Variants in GRIK2 observed in about 807,000 individuals in gnomAD.
The protein encoded by GRIK2 is glutamate receptor ionotropic, kainate 2.
A neutral mutation model predicts 100.3 loss-of-function variants in GRIK2; 32 were observed. The ratio of observed to expected loss-of-function variants is 0.32; its 90% confidence interval spans 0.24 to 0.43. GRIK2 has a LOEUF of 0.43. Among genes scored for constraint, GRIK2 ranks in the 20% least tolerant of loss-of-function variants. GRIK2 has a pLI of 1.00. For missense variants in GRIK2, 843 were observed against 1,114.9 expected, an observed-to-expected ratio of 0.76 and a Z score of 3.47; for synonymous variants, 417 against 389.4, an observed-to-expected ratio of 1.07 and a Z score of -0.83.
intron 12 of GRIK2, among the ~76,000 whole-genome samples, chr6:101,897,599 A>G (rs940011021): frequency 1.3e-5 from 2 of 151,848 alleles, no homozygotes; most frequent in Non-Finnish European, 2.9e-5. Flanking sequence ...AAAAATTTCA[A>G]TTTTTTTAAA....
chr6:101,830,369 T>G (rs1307058070), intron 10 of GRIK2, among the ~76,000 whole-genome samples: 1 of 151,806 alleles, frequency 6.6e-6, no homozygotes, highest in African/African-American at 2.4e-5. Context: ...GGCCAAAAAT[T>G]TATGACTAAG....
chr6:101,912,046 G>GCACACACA (rs571177027), intron 12 of GRIK2, among the ~76,000 whole-genome samples: 139 of 62,904 alleles, frequency 2.2e-3, no homozygotes, highest in African/African-American at 9.9e-3. Flanking sequence ...CAGGGGCAAC[G>GCACACACA]CACACACACA....
chr6:101,628,664 G>A (rs757966213), intron 4 of GRIK2, among the ~76,000 whole-genome samples: 9 of 151,992 alleles, frequency 5.9e-5, no homozygotes, highest in Non-Finnish European at 1.0e-4. Flanking sequence ...TATAAATATA[G>A]ATACATGTGC....
chr6:101,412,421 G>C (rs1582391625), intron 2 of GRIK2, among the ~76,000 whole-genome samples: 1 of 151,998 alleles, frequency 6.6e-6, no homozygotes, highest in East Asian at 1.9e-4. Flanking sequence ...TTCTGTATAG[G>C]AGACACTTTA....
At chr6:101,534,670 C>T (rs1775602367) in intron 2 of GRIK2, among the ~76,000 whole-genome samples, 1 of 151,758 alleles carries the variant, frequency 6.6e-6, no homozygotes, top group Non-Finnish European at 1.5e-5. Flanking sequence ...TCCTTTGAAG[C>T]ATATTATCCT....
chr6:101,879,335 T>C (rs1321644424), intron 11 of GRIK2, among the ~76,000 whole-genome samples: 1 of 152,058 alleles, frequency 6.6e-6, no homozygotes, highest in Non-Finnish European at 1.5e-5. Context: ...ACATGCTTCT[T>C]TGAGGCTCAT....
intron 4 of GRIK2, among the ~76,000 whole-genome samples, chr6:101,637,238 C>A (rs1781066121): frequency 6.6e-6 from 1 of 152,074 alleles, no homozygotes; most frequent in African/African-American, 2.4e-5. Flanking sequence ...GTAGACTCAC[C>A]AATCTACATT....
chr6:101,561,558 C>G (rs1217619671), intron 2 of GRIK2, among the ~76,000 whole-genome samples: 1 of 152,000 alleles, frequency 6.6e-6, no homozygotes. Flanking sequence ...ATCCCAATTA[C>G]TATGATTTGG....
chr6:101,661,096 G>A (rs76234089), intron 4 of GRIK2, among the ~76,000 whole-genome samples: 9,402 of 152,224 alleles, frequency 0.062, 443 homozygotes, highest in East Asian at 0.26. Context: ...TCCCTCAGGT[G>A]CTCTGTCTAG....
At chr6:101,843,438 T>A (rs553636730) in intron 10 of GRIK2, among the ~76,000 whole-genome samples, 6 of 152,326 alleles carry the variant, frequency 3.9e-5, no homozygotes, top group Non-Finnish European at 8.8e-5. Flanking sequence ...AGTATTTCCA[T>A]CTACGCCACT....
intron 7 of GRIK2, among the ~76,000 whole-genome samples, chr6:101,723,800 G>A (rs1187717331): frequency 6.6e-6 from 1 of 151,964 alleles, no homozygotes; most frequent in Non-Finnish European, 1.5e-5. Flanking sequence ...GACAGCTAGT[G>A]GAGAATTTAG....
chr6:101,850,798 A>C (rs1449325984), intron 10 of GRIK2, among the ~76,000 whole-genome samples: 1 of 152,056 alleles, frequency 6.6e-6, no homozygotes, highest in African/African-American at 2.4e-5. Flanking sequence ...TGATGTGGAG[A>C]TTTAAGACTA....
At chr6:101,630,884 T>C (rs1312489802) in intron 4 of GRIK2, among the ~76,000 whole-genome samples, 2 of 152,136 alleles carry the variant, frequency 1.3e-5, no homozygotes, top group Non-Finnish European at 2.9e-5. Context: ...CTTTCCATAT[T>C]TATTTATTAT....
intron 2 of GRIK2, among the ~76,000 whole-genome samples, chr6:101,480,337 C>A (rs1357974754): frequency 6.6e-6 from 1 of 152,120 alleles, no homozygotes; most frequent in Non-Finnish European, 1.5e-5. Flanking sequence ...GGAAGTCAGT[C>A]AATCCTGCTA....
At chr6:102,062,633 G>A (rs1002079603) in intron 16 of GRIK2, among the ~76,000 whole-genome samples, 2 of 150,404 alleles carry the variant, frequency 1.3e-5, no homozygotes, top group African/African-American at 4.8e-5. Flanking sequence ...GAACAAGGTT[G>A]TATATATTTT....
chr6:101,939,420 T>C (rs987673912), intron 14 of GRIK2, among the ~76,000 whole-genome samples: 3 of 152,094 alleles, frequency 2.0e-5, no homozygotes, highest in Non-Finnish European at 4.4e-5. Flanking sequence ...TAAATTTCGG[T>C]AGCAGATGAA....
chr6:101,790,057 G>T (rs1346291463), intron 7 of GRIK2, among the ~76,000 whole-genome samples: 1 of 152,158 alleles, frequency 6.6e-6, no homozygotes, highest in African/African-American at 2.4e-5. Context: ...CATTGATTTT[G>T]TATGCTGAGA....
chr6:101,432,575 G>A (rs575957320), intron 2 of GRIK2, among the ~76,000 whole-genome samples: 2 of 152,264 alleles, frequency 1.3e-5, no homozygotes, highest in East Asian at 3.9e-4. Context: ...GGAGGAGATT[G>A]ATACCTACAT....
intron 15 of GRIK2, among the ~76,000 whole-genome samples, chr6:102,053,874 C>T (rs761423184): frequency 1.3e-5 from 2 of 152,030 alleles, no homozygotes; most frequent in Non-Finnish European, 2.9e-5. Context: ...GTGATCAAGA[C>T]AGAAAGTAGT....
Sources: gnomAD v4.1 joint callset for allele counts (sites outside exome capture counted in the v4.1 genomes callset) on GRCh38, gnomAD v4.1.1 for gene constraint, MANE v1.5 for transcripts, NCBI Gene and HGNC (gene_info 2026-07-23, HGNC 2026-07-21) for gene names.